The following MMS19 variants were observed in gnomAD, a reference collection of about 807,000 sequenced individuals.
The protein encoded by MMS19 is MMS19 nucleotide excision repair protein homolog.
In MMS19, 77 loss-of-function variants were observed where a neutral mutation model predicts 129.8. That is an observed-to-expected ratio of 0.59 (90% confidence interval 0.49 to 0.72). The LOEUF (loss-of-function observed/expected upper bound fraction) is 0.72. Among genes scored for constraint, MMS19 ranks in the 30% least tolerant of loss-of-function variants. The pLI is 0.00. For missense variants in MMS19, 1,168 were observed against 1,266.3 expected, an observed-to-expected ratio of 0.92 and a Z score of 1.18; for synonymous variants, 491 against 502.8, an observed-to-expected ratio of 0.98 and a Z score of 0.31.
intron 17 of MMS19, 37 bp downstream of exon 17, chr10:97,466,022 G>A (rs1330286395): frequency 1.9e-6 from 3 of 1,612,324 alleles, no homozygotes; most frequent in Non-Finnish European, 1.7e-6. Context: ...AAGCCTTGCT[G>A]GAAAGGGATG....
intron 1 of MMS19, among the ~76,000 whole-genome samples, chr10:97,495,567 T>A (rs1435027240): frequency 6.6e-6 from 1 of 152,222 alleles, no homozygotes; most frequent in Non-Finnish European, 1.5e-5. Flanking sequence ...TCAACAACCC[T>A]AACTAGGGCT....
chr10:97,483,209 C>T lies in MMS19; in HGVS notation c.161+894G>A, dbSNP rs113655437. 8.9e-3 allele frequency among the ~76,000 whole-genome samples: 1,362 copies of T among 152,184 alleles called. 21 individuals are homozygous for T. Among genetic ancestry groups the T allele is most frequent in the Non-Finnish European group, 9.1e-3 (616 of 68,008 alleles). On this transcript the variant is annotated intron_variant, in intron 2 of 30. Coordinates refer to ENST00000438925, the MANE Select transcript of MMS19 (RefSeq NM_022362.5). ...CTGGGACCACAGGCGCATGCCACCA[C>T]GCCTAGCTAATTTTTTGTATTTTTG...
At chr10:97,480,313 G>A (rs1199612845) in intron 3 of MMS19, 7 of 460,858 alleles carry the variant, frequency 1.5e-5, no homozygotes, top group Non-Finnish European at 3.1e-5. Flanking sequence ...GTACAGGGGA[G>A]CTTCTTCCTC....
chr10:97,459,339 A>G, intron 28 of MMS19, 23 bp downstream of exon 28: 1 of 1,610,392 alleles, frequency 6.2e-7, no homozygotes, highest in South Asian at 1.1e-5. Context: ...CTGGTGCCTA[A>G]GAGTTGCTGG....
chr10:97,462,055 G>C lies in MMS19; in HGVS notation c.2077C>G (p.Pro693Ala). Reference protein sequence around the residue: ...LFLDGNVSFLPENSFPSRFQP... With the variant: ...LFLDGNVSFLAENSFPSRFQP... ...AATCTGCTCGGGAAGCTGTTTTCAG[G>C]CAGAAAGGACACGTTGCCATCCAAG... Residue 693 changes from proline to alanine, a missense_variant, in exon 21 of 31, where the codon CCT becomes GCT. Coordinates refer to ENST00000438925, the MANE Select transcript of MMS19 (RefSeq NM_022362.5). 1 of 1,593,884 alleles carries C rather than the reference G, an allele frequency of 6.3e-7. No homozygotes were observed. Among genetic ancestry groups the C allele is most frequent in the Non-Finnish European group, 8.5e-7 (1 of 1,170,128 alleles).
intron 2 of MMS19, among the ~76,000 whole-genome samples, chr10:97,483,336 G>A (rs2037225849): frequency 6.6e-6 from 1 of 152,182 alleles, no homozygotes. Context: ...TCACAGGTAT[G>A]AGCCACTGCA....
Position 97,466,041 on chromosome 10 carries a change from A to G in MMS19, c.1606+18T>C, listed in dbSNP as rs1284158493. On this transcript the variant is annotated intron_variant, in intron 17 of 30. Transcript: ENST00000438925. ...CTTGCTGGAAAGGGATGGGCCACAG[A>G]GGATTAGAGACACATACCTACACGC... 1.2e-6 allele frequency: 2 copies of G among 1,613,488 alleles called. No individual in the cohort carries two copies. The highest frequency in any genetic ancestry group is 1.7e-6 in the Non-Finnish European group (2 of 1,179,492).
In MMS19 at chr10:97,477,924, C is replaced by G; in HGVS notation, c.354G>C (p.Leu118=). 1.9e-6 allele frequency: 3 copies of G among 1,600,452 alleles called. No individual in the cohort carries two copies. The highest frequency in any genetic ancestry group is 1.7e-6 in the Non-Finnish European group (2 of 1,174,972). ...SVLQGLKALS[L]CVALPPGLAV... ...CCAGCCCTGGGGGCAGGGCCACACA[C>G]AGGCTCTGGGGGAGAGGAGAAGGTA... Residue 118 remains leucine, a synonymous_variant, in exon 5 of 31, where the codon CTG becomes CTC. Transcript: ENST00000438925.
chr10:97,497,597 A>G (rs1203459809), intron 1 of MMS19, among the ~76,000 whole-genome samples: 1 of 152,156 alleles, frequency 6.6e-6, no homozygotes, highest in Non-Finnish European at 1.5e-5. Flanking sequence ...CTAATTTTAG[A>G]TAAGCTGTCT....
At chr10:97,477,553 A>G in intron 5 of MMS19, 137 bp from the exon 6 acceptor site, 1 of 1,228,728 alleles carries the variant, frequency 8.1e-7, no homozygotes, top group Non-Finnish European at 1.1e-6. Context: ...GAAACTACAG[A>G]GAAAGGGTAT....
intron 11 of MMS19, 21 bp downstream of exon 11, chr10:97,469,625 G>C: frequency 6.3e-7 from 1 of 1,596,204 alleles, no homozygotes; most frequent in Non-Finnish European, 8.6e-7. Context: ...ACAGTAGTGA[G>C]TTTATCTGAG....
At chr10:97,477,057 TC>T (rs947452807) in intron 6 of MMS19, 94 bp from the exon 7 acceptor site, 23 of 1,575,124 alleles carry the variant, frequency 1.5e-5, no homozygotes, top group Admixed American at 1.8e-5. Flanking sequence ...TATCATTGCC[TC>T]CCCTTTCTCT....
rs767452382 is a variant in MMS19 at position 97,466,082 on chromosome 10, T to C, written c.1583A>G (p.Lys528Arg). 5 of 1,612,428 alleles carry C rather than the reference T, an allele frequency of 3.1e-6. No individual in the cohort carries two copies. The South Asian group carries it at 3.3e-5, about 11-fold the overall frequency. The change falls in exon 17 of 31, where the codon AAG (lysine) becomes AGG (arginine). Residue 528 changes from lysine to arginine, a missense_variant. Around this residue, in one of 3 missense-constraint regions of MMS19, gnomAD observed 831 missense variants for 910.8 expected, o/e 0.91. Coordinates refer to ENST00000438925, the MANE Select transcript of MMS19 (RefSeq NM_022362.5). ...ACCTACACGCAGCTCCTCAGCGAGC[T>C]TGGGTACGAGGTGGCTGCTGAAGGC... ...PVAFSSHLVP[K>R]LAEELRVGES...
chr10:97,482,726 G>A (rs376994408), intron 2 of MMS19, among the ~76,000 whole-genome samples: 43 of 104,840 alleles, frequency 4.1e-4, no homozygotes, highest in Non-Finnish European at 6.4e-4. Context: ...GTGTGTGTGT[G>A]TGTATATATA....
chr10:97,463,838 A>G lies in MMS19; in HGVS notation c.1912+20T>C. ...GAGGGCAAAGTTCCCAAAGGCCAGG[A>G]AGGAGAGGTGGAAAGTTACCTGGCA... is the stretch of plus-strand genomic sequence containing the variant. On this transcript the variant is annotated intron_variant, in intron 19 of 30. Coordinates refer to ENST00000438925, the MANE Select transcript of MMS19 (RefSeq NM_022362.5). 6.2e-7 allele frequency: 1 copy of G among 1,604,132 alleles called. No homozygotes were observed. Among genetic ancestry groups the G allele is most frequent in the Admixed American group, 1.7e-5 (1 of 58,732 alleles).
At chr10:97,479,042 T>G (rs1017030458) in intron 3 of MMS19, among the ~76,000 whole-genome samples, 2 of 152,186 alleles carry the variant, frequency 1.3e-5, no homozygotes, top group African/African-American at 4.8e-5. Flanking sequence ...AGTGAGACCC[T>G]GTCTCCAAAA....
In MMS19 at chr10:97,462,901, A is replaced by G; in HGVS notation, c.1913-219T>C. 1.5e-5 allele frequency: 8 copies of G among 550,334 alleles called. 1 individual carries two copies. In the East Asian group the frequency reaches 2.1e-4, roughly 15 times the overall value. The allele number at this position is 550,334 out of a possible 1,614,324, so 34.1% of individuals were successfully genotyped here. On this transcript the variant is annotated intron_variant, in intron 19 of 30. Transcript: ENST00000438925. ...CAGAGCGCTCCTGAGAACTCTGCAC[A>G]GTCTTTAGACTAGGCCAACAGTGGG... is the stretch of plus-strand genomic sequence containing the variant.
intron 1 of MMS19, among the ~76,000 whole-genome samples, chr10:97,496,902 A>T (rs2135605240): frequency 6.6e-6 from 1 of 152,378 alleles, no homozygotes; most frequent in Non-Finnish European, 1.5e-5. Flanking sequence ...TAAAGCAAGT[A>T]ATATTAAAAT....
intron 20 of MMS19, 118 bp from the exon 21 acceptor site, chr10:97,462,237 C>T: frequency 2.9e-6 from 2 of 701,140 alleles, no homozygotes; most frequent in Non-Finnish European, 5.0e-6. Flanking sequence ...ATGGGACATG[C>T]CCTGATCATT....
Sources: allele counts gnomAD v4.1 joint callset (sites outside exome capture counted in the v4.1 genomes callset), GRCh38; gene constraint gnomAD v4.1.1; regional missense constraint gnomAD v4.1.1; transcripts MANE v1.5; gene names NCBI Gene and HGNC (gene_info 2026-07-23, HGNC 2026-07-21).